The following ADAP1 variants were observed in gnomAD, a reference collection of about 807,000 sequenced individuals.
ADAP1 encodes ArfGAP with dual PH domains 1, also known as arf-GAP with dual PH domain-containing protein 1.
ADAP1 carries 31 observed loss-of-function variants against 54.9 expected under a neutral mutation model. The ratio of observed to expected loss-of-function variants is 0.56; its 90% confidence interval spans 0.42 to 0.76. The LOEUF is 0.76. ADAP1 is among the 30% of genes least tolerant of loss of function. The probability of loss-of-function intolerance (pLI) is 0.00; values close to 1 mark genes in which losing one functional copy is unlikely to be tolerated. For synonymous variants in ADAP1, 313 were observed against 202.6 expected, an observed-to-expected ratio of 1.55 and a Z score of -4.63; for missense variants, 535 against 512.4, an observed-to-expected ratio of 1.04 and a Z score of -0.42.
chr7:921,400 C>T (rs1158308843), intron 3 of ADAP1, among the ~76,000 whole-genome samples: 2 of 152,262 alleles, frequency 1.3e-5, no homozygotes, highest in Middle Eastern at 3.2e-3. Context: ...CAGCTCAACG[C>T]AGCCTCCAAC....
chr7:942,749 G>C (rs368228814), intron 1 of ADAP1, among the ~76,000 whole-genome samples: 9 of 40,304 alleles, frequency 2.2e-4, no homozygotes, highest in African/African-American at 8.5e-4. Context: ...AAGGGAGAGA[G>C]GAGGAGGAAG....
Position 926,587 on chromosome 7 carries a change from A to G in ADAP1, c.271T>C (p.Ser91Pro), listed in dbSNP as rs531155380. The G allele has an allele frequency of 2.7e-5, 42 of 1,541,700 alleles. No homozygotes were observed. Among genetic ancestry groups the G allele is most frequent in the Non-Finnish European group, 3.3e-5 (38 of 1,144,444 alleles). ...GAGGGCGTGGGCCGGTAGTAGAAGG[A>G]GGGTACTTTGGACTCAAACCTGGCT... Reference protein sequence around the residue: ...ARARFESKVPSFYYRPTPSDC... With the variant: ...ARARFESKVPPFYYRPTPSDC... The change falls in exon 3 of 11, where the codon TCC becomes CCC. Residue 91 changes from serine (S) to proline (P), a missense_variant. Ser to Pro is a moderately conservative substitution (Grantham distance 74, BLOSUM62 -1). Transcript: ENST00000265846. The surrounding 1 kb of genome is among the most constrained non-coding windows in gnomAD (Gnocchi z 4.6).
chr7:950,485 CA>C (rs59360722), intron 1 of ADAP1, among the ~76,000 whole-genome samples: 22,492 of 93,062 alleles, frequency 0.24, 1,663 homozygotes, highest in East Asian at 0.42. Context: ...GACTCTGCCT[CA>C]AAAAAAAAAA....
intron 4 of ADAP1, among the ~76,000 whole-genome samples, chr7:905,995 G>C (rs1583132063): frequency 1.1e-5 from 1 of 92,150 alleles, no homozygotes; most frequent in East Asian, 5.9e-4. Context: ...AAAGGAGAAA[G>C]GAGAAAGGAG....
chr7:899,197 C>T lies in ADAP1; in HGVS notation c.932G>A (p.Gly311Glu). The T allele has an allele frequency of 6.2e-7, 1 of 1,612,598 alleles. No individual in the cohort carries two copies. Among genetic ancestry groups the T allele is most frequent in the Non-Finnish European group, 8.5e-7 (1 of 1,179,972 alleles). The part of the protein sequence containing the change: ...SKESGYTVLH[G>E]FPPSTQGHHW... ...GTGGCCCTGGGTGGACGGCGGGAAC[C>T]CATGCAGCACCGTGTAGCCACTCTC... The change falls in exon 10 of 11, where the codon GGG (glycine) becomes GAG (glutamate). Residue 311 changes from glycine to glutamate, a missense_variant. Gly to Glu is a moderately conservative substitution (Grantham distance 98, BLOSUM62 -2). Transcript: ENST00000265846.
chr7:953,986 G>A (rs1041385977), intron 1 of ADAP1, among the ~76,000 whole-genome samples: 1 of 152,178 alleles, frequency 6.6e-6, no homozygotes, highest in Non-Finnish European at 1.5e-5. Context: ...CGGAGCCGGC[G>A]GACCCCACAG....
chr7:911,909 A>T (rs1251059661), intron 4 of ADAP1, among the ~76,000 whole-genome samples: 1 of 151,826 alleles, frequency 6.6e-6, no homozygotes, highest in Admixed American at 6.6e-5. Flanking sequence ...CGTCCCCCCG[A>T]GGGGCAGCCC....
Position 938,565 on chromosome 7 carries a change from C to T in ADAP1, c.83-3060G>A, listed in dbSNP as rs897144432. 2.6e-5 allele frequency among the ~76,000 whole-genome samples: 4 copies of T among 152,150 alleles called. No homozygotes were observed. Among genetic ancestry groups the T allele is most frequent in the Non-Finnish European group, 5.9e-5 (4 of 68,020 alleles). Reference sequence around the variant, plus strand: ...GTCCCAGAAGAGAGAGACCTGACTCCCCCCGGGCTCCGTCTTCTCCCGAAG... The same window carrying T: ...GTCCCAGAAGAGAGAGACCTGACTCTCCCCGGGCTCCGTCTTCTCCCGAAG... On this transcript the variant is annotated intron_variant, in intron 1 of 10. Transcript: ENST00000265846. This position sits in a 1 kb window ranked among gnomAD's most constrained non-coding sequence, Gnocchi z 4.4.
intron 4 of ADAP1, among the ~76,000 whole-genome samples, chr7:918,636 C>A (rs943196661): frequency 6.6e-6 from 1 of 152,190 alleles, no homozygotes; most frequent in African/African-American, 2.4e-5. Flanking sequence ...ACCAAACATC[C>A]CCATCCAGCC....
intron 2 of ADAP1, 134 bp downstream of exon 2, chr7:935,241 C>A (rs1428747966): frequency 1.5e-6 from 2 of 1,312,022 alleles, no homozygotes; most frequent in African/African-American, 1.5e-5. Flanking sequence ...TCCTCGGGTC[C>A]AGCCAGCCAG....
upstream of ADAP1, chr7:955,325 C>T (rs778767535): frequency 3.0e-5 from 47 of 1,550,344 alleles, no homozygotes; most frequent in African/African-American, 5.9e-4. Context: ...TTCCTCTGCA[C>T]ACCCCAGCAT....
rs973206906 is a variant in ADAP1, at chr7:899,268, G to T, written c.868-7C>A. The T allele has an allele frequency of 6.2e-7, 1 of 1,612,664 alleles. No homozygotes were observed. The highest frequency in any genetic ancestry group is 2.2e-5 in the East Asian group (1 of 44,866). ...CCCCTCGGGCGAAGGCGTCCTGTGG[G>T]TGGGGACCGCACTGGAGGCGGGGCC... On this transcript the variant is annotated splice_polypyrimidine_tract_variant and splice_region_variant and intron_variant, in intron 9 of 10. Coordinates refer to ENST00000265846, the MANE Select transcript of ADAP1 (RefSeq NM_006869.4).
intron 6 of ADAP1, chr7:901,206 C>G: frequency 2.8e-6 from 1 of 359,328 alleles, no homozygotes; most frequent in Non-Finnish European, 5.5e-6. Flanking sequence ...AGGCCTGGCA[C>G]CCAGCCCCAC....
At position 945,613 on chromosome 7, in the gene ADAP1, G is replaced by T; in HGVS notation, c.82+8783C>A. The T allele has an allele frequency of 2.2e-6, 1 of 458,646 alleles. No individual in the cohort carries two copies. The highest frequency in any genetic ancestry group is 2.9e-6 in the Non-Finnish European group (1 of 348,388). 28.4% of individuals were successfully genotyped at this position (458,646 alleles called of 1,614,324 possible). On this transcript the variant is annotated intron_variant, in intron 1 of 10. Transcript: ENST00000265846. The surrounding 1 kb of genome is among the most constrained non-coding windows in gnomAD (Gnocchi z 4.2). ...GTGGTGGTGGAGATGGAGGCCCTGA[G>T]TGCCAGGTAGGGAGGGGCAGGCCCA... is the stretch of plus-strand genomic sequence containing the variant.
intron 1 of ADAP1, among the ~76,000 whole-genome samples, chr7:948,789 C>G (rs953423453): frequency 5.9e-5 from 9 of 152,128 alleles, no homozygotes; most frequent in African/African-American, 2.2e-4. Context: ...CTCTGCCTAC[C>G]AGGTTCGAGC....
In ADAP1 at chr7:926,820, G is replaced by T; in HGVS notation, c.214-176C>A. On this transcript the variant is annotated intron_variant, in intron 2 of 10. Coordinates refer to ENST00000265846, the MANE Select transcript of ADAP1 (RefSeq NM_006869.4). This position sits in a 1 kb window ranked among gnomAD's most constrained non-coding sequence, Gnocchi z 4.6. ...TGCCCCAGGGACACCATTTCTGAGT[G>T]ATCGACCCTCCCCTGGGACAGGGAA... 1 of 740,474 alleles carries T rather than the reference G, an allele frequency of 1.4e-6. No individual in the cohort carries two copies. Among genetic ancestry groups the T allele is most frequent in the Non-Finnish European group, 2.1e-6 (1 of 480,694 alleles). 45.9% of individuals were successfully genotyped at this position (740,474 alleles called of 1,614,324 possible). A position where few individuals can be genotyped will look rare whatever the true frequency, so the allele number is the denominator to read the frequency against.
intron 2 of ADAP1, among the ~76,000 whole-genome samples, chr7:930,090 C>T (rs1235824936): frequency 2.2e-5 from 2 of 89,658 alleles, no homozygotes. Context: ...GGTGACAGAG[C>T]AAGACTGTCT....
intron 1 of ADAP1, among the ~76,000 whole-genome samples, chr7:940,375 A>ACAC (rs1846912193): frequency 1.4e-5 from 2 of 142,246 alleles, no homozygotes; most frequent in Non-Finnish European, 3.0e-5. Flanking sequence ...CACACACACA[A>ACAC]TATGGAGACA....
At chr7:918,724 C>T (rs147809649) in intron 4 of ADAP1, among the ~76,000 whole-genome samples, 513 of 152,290 alleles carry the variant, frequency 3.4e-3, no homozygotes, top group Non-Finnish European at 5.0e-3. Context: ...CCTGTCGACA[C>T]GGTGGAGAAA....
Sources: allele counts gnomAD v4.1 joint callset (sites outside exome capture counted in the v4.1 genomes callset), GRCh38; gene constraint gnomAD v4.1.1; non-coding constraint Gnocchi (gnomAD v3.1); transcripts MANE v1.5; gene names NCBI Gene and HGNC (gene_info 2026-07-23, HGNC 2026-07-21).